Variants in STPG2 observed in about 807,000 individuals in gnomAD.
STPG2 encodes the protein sperm tail PG-rich repeat containing 2, also known as sperm-tail PG-rich repeat-containing protein 2.
A neutral mutation model predicts 54.2 loss-of-function variants in STPG2; 56 were observed. The ratio of observed to expected loss-of-function variants is 1.03; its 90% CI spans 0.83 to 1.29. The LOEUF (loss-of-function observed/expected upper bound fraction) is 1.29, where lower values mean the gene tolerates loss of function less well. Among genes scored for constraint, STPG2 ranks in the 50% most tolerant of loss-of-function variants. The pLI is 0.00. For synonymous variants in STPG2, 200 were observed against 181.8 expected, an observed-to-expected ratio of 1.10 and a Z score of -0.81; for missense variants, 596 against 544.9, an observed-to-expected ratio of 1.09 and a Z score of -0.93.
At chr4:97,643,913 C>T (rs1721834952) in intron 10 of STPG2, among the ~76,000 whole-genome samples, 1 of 151,736 alleles carries the variant, frequency 6.6e-6, no homozygotes, top group African/African-American at 2.4e-5. Context: ...AACTGGGAAT[C>T]ACCAGGAAAT....
At chr4:98,041,786 G>A (rs1389006794) in intron 5 of STPG2, among the ~76,000 whole-genome samples, 2 of 151,760 alleles carry the variant, frequency 1.3e-5, no homozygotes, top group African/African-American at 4.8e-5. Flanking sequence ...ATATTGTTCT[G>A]TAGTTTTCTT....
chr4:97,938,497 C>T (rs1732846024), intron 8 of STPG2, among the ~76,000 whole-genome samples: 1 of 104,788 alleles, frequency 9.5e-6, no homozygotes, highest in African/African-American at 3.5e-5. Context: ...GTGACGATGG[C>T]CACCCACCCC....
At chr4:98,125,434 G>A (rs1203243829) in intron 3 of STPG2, among the ~76,000 whole-genome samples, 1 of 152,054 alleles carries the variant, frequency 6.6e-6, no homozygotes, top group African/African-American at 2.4e-5. Flanking sequence ...TCCTCTGTAG[G>A]GCTGCAGTTT....
At chr4:97,554,704 C>T (rs764023514), downstream of STPG2, among the ~76,000 whole-genome samples, 2 of 152,118 alleles carry the variant, frequency 1.3e-5, no homozygotes, top group Non-Finnish European at 2.9e-5. Context: ...GTATAAAACT[C>T]CAATGATAAT....
intron 10 of STPG2, among the ~76,000 whole-genome samples, chr4:97,607,974 G>C (rs995366082): frequency 6.6e-6 from 1 of 151,964 alleles, no homozygotes; most frequent in African/African-American, 2.4e-5. Flanking sequence ...ATACACGTGG[G>C]AACTATTCTC....
chr4:98,081,555 G>C (rs1738345406), intron 5 of STPG2, among the ~76,000 whole-genome samples: 1 of 152,222 alleles, frequency 6.6e-6, no homozygotes, highest in African/African-American at 2.4e-5. Flanking sequence ...TTTCTGGATA[G>C]CTTTGATTCA....
At chr4:97,745,481 A>G (rs1245183782) in intron 9 of STPG2, among the ~76,000 whole-genome samples, 1 of 151,076 alleles carries the variant, frequency 6.6e-6, no homozygotes, top group Non-Finnish European at 1.5e-5. Flanking sequence ...ATCATTTTTT[A>G]TATTCATTCA....
intron 9 of STPG2, among the ~76,000 whole-genome samples, chr4:97,810,564 C>T (rs1203471781): frequency 6.6e-6 from 1 of 152,044 alleles, no homozygotes; most frequent in African/African-American, 2.4e-5. Flanking sequence ...AAAGCCTTCC[C>T]ATGAGTCAGG....
At chr4:97,507,458 T>C (rs748929660) in intron 4 of STPG2, among the ~76,000 whole-genome samples, 1 of 152,072 alleles carries the variant, frequency 6.6e-6, no homozygotes, top group Non-Finnish European at 1.5e-5. Context: ...CAGTAACTAC[T>C]CCACTTCAGT....
chr4:97,545,310 C>G (rs1731810896), intron 4 of STPG2, among the ~76,000 whole-genome samples: 1 of 152,118 alleles, frequency 6.6e-6, no homozygotes. Context: ...GAAGCATTGG[C>G]TCATAAAAAA....
At chr4:97,646,300 C>T (rs544534279) in intron 10 of STPG2, among the ~76,000 whole-genome samples, 86 of 152,254 alleles carry the variant, frequency 5.6e-4, no homozygotes, top group Non-Finnish European at 8.8e-4. Context: ...CCTCTATCCA[C>T]CATTTGTATA....
At chr4:97,585,818 C>T (rs577472537) in intron 10 of STPG2, among the ~76,000 whole-genome samples, 26 of 151,870 alleles carry the variant, frequency 1.7e-4, no homozygotes, top group African/African-American at 6.0e-4. Flanking sequence ...GAGCCTTAAC[C>T]CTCAAAAACA....
chr4:97,851,512 A>C (rs1729156483), intron 8 of STPG2, among the ~76,000 whole-genome samples: 2 of 152,192 alleles, frequency 1.3e-5, no homozygotes, highest in Non-Finnish European at 2.9e-5. Flanking sequence ...AAGCCTAAAA[A>C]TACAAAGCTG....
In STPG2 at chr4:98,115,899, C is replaced by T. The variant is rs937477706; in HGVS notation, c.388-6594G>A. Among the ~76,000 whole-genome samples, 11 of 151,934 alleles carry T rather than the reference C, an allele frequency of 7.2e-5. No individual in the cohort carries two copies. The East Asian group carries it at 1.5e-3, about 21-fold the overall frequency. On this transcript the variant is annotated intron_variant, in intron 3 of 10. Coordinates refer to ENST00000295268, the MANE Select transcript of STPG2 (RefSeq NM_174952.3). ...AGGATTTCAAAAAATATCACAATTC[C>T]GTTTGTATTAAACTTTGCTGAATCT...
At chr4:98,022,852 T>C (rs889502197) in intron 5 of STPG2, among the ~76,000 whole-genome samples, 3 of 152,212 alleles carry the variant, frequency 2.0e-5, no homozygotes, top group African/African-American at 7.2e-5. Context: ...TTCTCGAGCG[T>C]TGGCTTTCAG....
At chr4:97,515,233 T>C (rs1235355159) in intron 4 of STPG2, among the ~76,000 whole-genome samples, 12 of 152,098 alleles carry the variant, frequency 7.9e-5, no homozygotes, top group Non-Finnish European at 1.2e-4. Flanking sequence ...TGCATTATAA[T>C]AAGTAGTTAT....
chr4:97,854,904 C>T (rs747131290), intron 8 of STPG2, among the ~76,000 whole-genome samples: 10 of 152,182 alleles, frequency 6.6e-5, no homozygotes, highest in Non-Finnish European at 7.4e-5. Context: ...CCTCCCCCAA[C>T]GTCTTGCCTC....
intron 4 of STPG2, among the ~76,000 whole-genome samples, chr4:97,533,409 T>C (rs530922547): frequency 6.6e-6 from 1 of 152,122 alleles, no homozygotes; most frequent in Non-Finnish European, 1.5e-5. Context: ...TGTGTTGTCG[T>C]TATTGTTTCT....
At chr4:97,746,484 T>C (rs1725424635) in intron 9 of STPG2, among the ~76,000 whole-genome samples, 1 of 151,278 alleles carries the variant, frequency 6.6e-6, no homozygotes. Flanking sequence ...GGGACAAAAC[T>C]TTTTCATTAA....
Sources: gnomAD v4.1 joint callset for allele counts (sites outside exome capture counted in the v4.1 genomes callset) on GRCh38, gnomAD v4.1.1 for gene constraint, MANE v1.5 for transcripts, NCBI Gene and HGNC (gene_info 2026-07-23, HGNC 2026-07-21) for gene names.